The following HELZ variants were observed in gnomAD, a reference collection of about 807,000 sequenced individuals.
HELZ encodes ATP-dependent RNA helicase with zinc finger domain.
HELZ carries 23 observed loss-of-function variants against 218.2 expected under a neutral mutation model. That is an observed-to-expected ratio of 0.11 (90% confidence interval 0.08 to 0.15). The LOEUF (loss-of-function observed/expected upper bound fraction) is 0.15, where lower values mean the gene tolerates loss of function less well. Ranked by LOEUF, HELZ falls within the 10% of genes least tolerant of loss-of-function variation. The pLI, the probability that HELZ is intolerant of heterozygous loss-of-function variation, is 1.00. For missense variants in HELZ, 1,813 were observed against 2,353.7 expected, an observed-to-expected ratio of 0.77 and a Z score of 4.75; for synonymous variants, 814 against 829.4, an observed-to-expected ratio of 0.98 and a Z score of 0.32.
rs1430631728 is a variant in HELZ, at chr17:67,189,487, T to C, written c.864+102A>G. Reference sequence around the variant, plus strand: ...GAACCTATATATAATGTACTTAGATTAAAATATTTTCAATATTCTTTAACA... The same window carrying C: ...GAACCTATATATAATGTACTTAGATCAAAATATTTTCAATATTCTTTAACA... On this transcript the variant is annotated intron_variant, in intron 11 of 32. Transcript: ENST00000358691. 4 of 693,072 alleles carry C rather than the reference T, an allele frequency of 5.8e-6. No individual in the cohort carries two copies. In the African/African-American group the frequency reaches 7.2e-5, roughly 13 times the overall value. 42.9% of individuals were successfully genotyped at this position (693,072 alleles called of 1,614,324 possible).
intron 17 of HELZ, among the ~76,000 whole-genome samples, chr17:67,154,516 CTTT>C (rs2038781956): frequency 6.6e-6 from 1 of 151,688 alleles, no homozygotes; most frequent in Non-Finnish European, 1.5e-5. Context: ...TTTTTTGTTT[CTTT>C]GTTTTTCTTA....
At chr17:67,133,015 T>C (rs910523889) in intron 23 of HELZ, among the ~76,000 whole-genome samples, 11 of 152,216 alleles carry the variant, frequency 7.2e-5, no homozygotes, top group African/African-American at 2.2e-4. Flanking sequence ...AGTAAATTAA[T>C]ATCTAATTAA....
At position 67,164,438 on chromosome 17, in the gene HELZ, A is replaced by G. The variant is rs76320180; in HGVS notation, c.1895+2040T>C. On this transcript the variant is annotated intron_variant, in intron 15 of 32. Coordinates refer to ENST00000358691, the MANE Select transcript of HELZ (RefSeq NM_014877.4). ...ATGAGAGACAGAAAATCACTTAAAGAGGAGGCAAGGCTGCAGGAAGGGGGA... is the reference window on the plus strand; with the variant it reads ...ATGAGAGACAGAAAATCACTTAAAGGGGAGGCAAGGCTGCAGGAAGGGGGA... 8.8e-3 allele frequency among the ~76,000 whole-genome samples: 1,344 copies of G among 152,270 alleles called. 23 individuals carry two copies. The highest frequency in any genetic ancestry group is 0.029 in the African/African-American group (1,216 of 41,552).
At chr17:67,231,370 G>C (rs2041031048) in intron 3 of HELZ, among the ~76,000 whole-genome samples, 1 of 152,096 alleles carries the variant, frequency 6.6e-6, no homozygotes, top group Non-Finnish European at 1.5e-5. Flanking sequence ...AAGCCAAGTG[G>C]ATCACAAGGT....
At chr17:67,177,101 T>G (rs913413082) in intron 13 of HELZ, among the ~76,000 whole-genome samples, 15 of 151,680 alleles carry the variant, frequency 9.9e-5, no homozygotes, top group African/African-American at 3.6e-4. Context: ...GACCTCAAAC[T>G]GACCCACATC....
intron 24 of HELZ, among the ~76,000 whole-genome samples, chr17:67,128,200 C>A (rs1489898043): frequency 2.0e-5 from 3 of 152,168 alleles, no homozygotes; most frequent in Non-Finnish European, 2.9e-5. Context: ...TTTACTCTGT[C>A]AAATACCACC....
chr17:67,115,003 A>C (rs1348995260), intron 27 of HELZ, among the ~76,000 whole-genome samples: 1 of 152,188 alleles, frequency 6.6e-6, no homozygotes, highest in African/African-American at 2.4e-5. Context: ...CTACAAAAGA[A>C]TTAACCACTG....
intron 17 of HELZ, among the ~76,000 whole-genome samples, chr17:67,156,424 A>G (rs1379074258): frequency 6.6e-6 from 1 of 152,130 alleles, no homozygotes; most frequent in African/African-American, 2.4e-5. Flanking sequence ...GGCTTCTTAG[A>G]AGTATTATCC....
At chr17:67,148,903 T>A (rs943782657) in intron 19 of HELZ, among the ~76,000 whole-genome samples, 189 bp from the exon 20 acceptor site, 2 of 152,190 alleles carry the variant, frequency 1.3e-5, no homozygotes, top group African/African-American at 4.8e-5. Flanking sequence ...GGCTAAAATT[T>A]CTAACTTCTC....
intron 15 of HELZ, among the ~76,000 whole-genome samples, chr17:67,161,423 A>C (rs1302109907): frequency 6.6e-6 from 1 of 152,226 alleles, no homozygotes; most frequent in East Asian, 1.9e-4. Context: ...GTTACAAAAA[A>C]GCATCAGAAA....
At chr17:67,190,099 CAAGACTCAAGTTCATTGTTT>C in intron 10 of HELZ, 38 bp downstream of exon 10, 1 of 1,406,606 alleles carries the variant, frequency 7.1e-7, no homozygotes, top group Non-Finnish European at 1.0e-6. Context: ...ACAATAAAGT[CAAGACTCAAGTTCATTGTTT>C]AAGACAAACA....
At chr17:67,088,723 G>A (rs998768513) in intron 31 of HELZ, among the ~76,000 whole-genome samples, 1 of 152,168 alleles carries the variant, frequency 6.6e-6, no homozygotes, top group Admixed American at 6.5e-5. Flanking sequence ...TCTAAGCACA[G>A]TATCTCAATT....
At chr17:67,084,498 T>C (rs1174965957) in intron 32 of HELZ, among the ~76,000 whole-genome samples, 2 of 151,216 alleles carry the variant, frequency 1.3e-5, no homozygotes, top group Admixed American at 1.3e-4. Flanking sequence ...CCGTCTCTAC[T>C]AAAAAACACA....
rs540470997 is a variant in HELZ, at chr17:67,180,382, T to C, written c.1163-1456A>G. ...CATTAAAAAAAATACTCTGGATTGATGGTCTGTTTTTGCAATAGCCTCACA... is the reference window on the plus strand; with the variant it reads ...CATTAAAAAAAATACTCTGGATTGACGGTCTGTTTTTGCAATAGCCTCACA... On this transcript the variant is annotated intron_variant, in intron 12 of 32. Transcript: ENST00000358691. Among the ~76,000 whole-genome samples the C allele has an allele frequency of 9.2e-5, 14 of 152,186 alleles. No individual in the cohort carries two copies. In the East Asian group the frequency reaches 2.7e-3, roughly 30 times the overall value.
intron 23 of HELZ, among the ~76,000 whole-genome samples, chr17:67,135,028 T>C (rs759703818): frequency 1.3e-5 from 2 of 151,946 alleles, no homozygotes; most frequent in Non-Finnish European, 2.9e-5. Flanking sequence ...AAAGGCCAAA[T>C]CTTCTATTAC....
Position 67,167,607 on chromosome 17 carries a change from A to C in HELZ, c.1620T>G (p.Pro540=), listed in dbSNP as rs974327995. 5 of 1,614,172 alleles carry C rather than the reference A, an allele frequency of 3.1e-6. No individual in the cohort carries two copies. The highest frequency in any genetic ancestry group is 4.2e-6 in the Non-Finnish European group (5 of 1,180,030). The change falls in exon 14 of 33, where the codon CCT becomes CCG. Residue 540 remains proline (P), a synonymous_variant. Coordinates refer to ENST00000358691, the MANE Select transcript of HELZ (RefSeq NM_014877.4). ...CCTGGGTCTGTACTAACTTCTGTTT[A>C]GGGACTGGTAATAAATAAACAGCAT... The part of the protein sequence containing the change: ...KVNAVYLLPV[P]KQKLVQTQGT...
intron 15 of HELZ, among the ~76,000 whole-genome samples, chr17:67,164,795 G>A (rs962746311): frequency 1.4e-4 from 22 of 152,122 alleles, no homozygotes; most frequent in African/African-American, 5.1e-4. Context: ...CACAGTCAAC[G>A]AGGCCATACA....
intron 12 of HELZ, among the ~76,000 whole-genome samples, chr17:67,187,533 A>G (rs1400895963): frequency 1.3e-5 from 2 of 152,254 alleles, no homozygotes; most frequent in African/African-American, 4.8e-5. Flanking sequence ...AACGTCCTCC[A>G]CAATATGGTT....
intron 5 of HELZ, among the ~76,000 whole-genome samples, chr17:67,206,037 T>C (rs1053222110): frequency 4.6e-5 from 7 of 152,244 alleles, no homozygotes; most frequent in African/African-American, 1.7e-4. Context: ...TCTAGTTCCT[T>C]ATTACCTTGA....
Sources: gnomAD v4.1 joint callset for allele counts (sites outside exome capture counted in the v4.1 genomes callset) on GRCh38, gnomAD v4.1.1 for gene constraint, MANE v1.5 for transcripts, NCBI Gene and HGNC (gene_info 2026-07-23, HGNC 2026-07-21) for gene names.